BTAF1: variants seen among roughly 807,000 people sequenced by gnomAD.
The protein encoded by BTAF1 is B-TFIID TATA-box binding protein associated factor 1, also known as TATA-binding protein-associated factor 172.
BTAF1 carries 38 observed loss-of-function variants against 227.1 expected under a neutral mutation model. The ratio of observed to expected loss-of-function variants is 0.17; its 90% CI spans 0.13 to 0.22. The LOEUF is 0.22. BTAF1 is among the 10% of genes least tolerant of loss of function. The pLI is 1.00. For synonymous variants in BTAF1, 742 were observed against 751.9 expected, an observed-to-expected ratio of 0.99 and a Z score of 0.21; for missense variants, 1,598 against 2,204.0, an observed-to-expected ratio of 0.73 and a Z score of 5.51.
Position 92,026,550 on chromosome 10 carries a change from A to T in BTAF1, c.5076-42A>T, listed in dbSNP as rs1342107803. On this transcript the variant is annotated intron_variant, in intron 35 of 37. Transcript: ENST00000265990. ...TTTTATTAACAGTTTCTGTTATAGG[A>T]CTTAAGAATGGACTAATTTTATTTT... 5 of 1,499,054 alleles carry T rather than the reference A, an allele frequency of 3.3e-6. No homozygotes were observed. In the East Asian group the frequency reaches 6.9e-5, roughly 21 times the overall value. 92.9% of individuals were successfully genotyped at this position (1,499,054 alleles called of 1,614,324 possible).
chr10:91,926,331 G>A (rs914513840), intron 1 of BTAF1, among the ~76,000 whole-genome samples: 8 of 152,068 alleles, frequency 5.3e-5, no homozygotes, highest in African/African-American at 1.9e-4. Context: ...ATATTTTTAG[G>A]ACATTTCCAC....
intron 19 of BTAF1, among the ~76,000 whole-genome samples, chr10:91,988,170 A>G (rs376665082): frequency 6.6e-6 from 1 of 152,198 alleles, no homozygotes; most frequent in African/African-American, 2.4e-5. Flanking sequence ...TACCTCAGTT[A>G]TATGTTACAT....
intron 19 of BTAF1, among the ~76,000 whole-genome samples, chr10:91,987,812 C>T (rs1053544516): frequency 6.6e-6 from 1 of 152,180 alleles, no homozygotes; most frequent in Non-Finnish European, 1.5e-5. Context: ...TAGCTTTCTT[C>T]TTGCGCAAGT....
In BTAF1 at chr10:91,980,450, T is replaced by C. The variant is rs747236018; in HGVS notation, c.1651-4T>C. The C allele has an allele frequency of 6.2e-7, 1 of 1,605,052 alleles. No individual in the cohort carries two copies. The highest frequency in any genetic ancestry group is 8.5e-7 in the Non-Finnish European group (1 of 1,172,650). On this transcript the variant is annotated splice_polypyrimidine_tract_variant and splice_region_variant and intron_variant, in intron 14 of 37. Transcript: ENST00000265990. ...ACAGCTTTTAATTCTGTTTTTGTTT[T>C]CAGAACTCTTCATCTTGGCTTATAC...
At chr10:92,028,379 T>C (rs1158397498) in intron 37 of BTAF1, among the ~76,000 whole-genome samples, 1 of 152,174 alleles carries the variant, frequency 6.6e-6, no homozygotes, top group Non-Finnish European at 1.5e-5. Context: ...CTGATCTTTA[T>C]ATGGTTATGT....
intron 21 of BTAF1, among the ~76,000 whole-genome samples, chr10:91,992,738 C>G (rs1848883497): frequency 6.6e-6 from 1 of 152,172 alleles, no homozygotes; most frequent in Non-Finnish European, 1.5e-5. Context: ...CCAGTTATCC[C>G]ACTATTGAAT....
intron 4 of BTAF1, among the ~76,000 whole-genome samples, chr10:91,947,104 A>G (rs968645701): frequency 3.9e-5 from 6 of 152,134 alleles, no homozygotes; most frequent in Non-Finnish European, 1.5e-5. Context: ...TGGCTTCCCA[A>G]AGTGCTGGGA....
chr10:91,972,241 TC>T (rs948254349), intron 14 of BTAF1, among the ~76,000 whole-genome samples: 16 of 152,200 alleles, frequency 1.1e-4, no homozygotes, highest in Non-Finnish European at 2.2e-4. Flanking sequence ...GTCAACATTT[TC>T]CCCTAATATT....
At chr10:91,967,458 GT>G (rs777780576) in intron 14 of BTAF1, among the ~76,000 whole-genome samples, 6 of 152,166 alleles carry the variant, frequency 3.9e-5, no homozygotes, top group Non-Finnish European at 8.8e-5. Flanking sequence ...AGGTACTACA[GT>G]TTGGGCCAAT....
Position 91,993,708 on chromosome 10 carries a change from C to T in BTAF1, c.3060C>T (p.Tyr1020=). 1 of 1,540,388 alleles carries T rather than the reference C, an allele frequency of 6.5e-7. No individual in the cohort carries two copies. The highest frequency in any genetic ancestry group is 8.8e-7 in the Non-Finnish European group (1 of 1,136,348). ...LVELDEAQKP[Y]LVQRRGAEFA... is the part of the protein sequence containing the mutation. ...TTAATTTTAAGGCCCAGAAGCCTTACCTGGTACAACGGAGAGGAGCTGAAT... is the reference window on the plus strand; with the variant it reads ...TTAATTTTAAGGCCCAGAAGCCTTATCTGGTACAACGGAGAGGAGCTGAAT... Residue 1020 remains tyrosine, a synonymous_variant, in exon 22 of 38, where the codon TAC becomes TAT. Coordinates refer to ENST00000265990, the MANE Select transcript of BTAF1 (RefSeq NM_003972.3).
At chr10:91,947,373 T>G (rs955707203) in intron 4 of BTAF1, among the ~76,000 whole-genome samples, 17 of 147,568 alleles carry the variant, frequency 1.2e-4, no homozygotes, top group East Asian at 1.9e-4. Flanking sequence ...CGATTTTGAG[T>G]TTTTTTTGTA....
At chr10:91,993,660 G>C (rs1299824481) in intron 21 of BTAF1, 34 bp from the exon 22 acceptor site, 1 of 1,382,304 alleles carries the variant, frequency 7.2e-7, no homozygotes, top group Non-Finnish European at 9.5e-7. Context: ...GATTTTTTCT[G>C]AAATTCTGTT....
At chr10:92,002,014 A>G (rs1451936767) in intron 25 of BTAF1, among the ~76,000 whole-genome samples, 1 of 75,234 alleles carries the variant, frequency 1.3e-5, no homozygotes, top group African/African-American at 3.1e-5. Flanking sequence ...ACACACACAC[A>G]CTCCATATAT....
intron 13 of BTAF1, among the ~76,000 whole-genome samples, chr10:91,966,342 G>A (rs1279024209): frequency 1.3e-5 from 2 of 152,160 alleles, no homozygotes; most frequent in Non-Finnish European, 2.9e-5. Flanking sequence ...ACATTGGAAA[G>A]TCCTAACTTG....
chr10:91,974,360 C>T (rs980612029), intron 14 of BTAF1, among the ~76,000 whole-genome samples: 7 of 152,138 alleles, frequency 4.6e-5, no homozygotes, highest in African/African-American at 1.7e-4. Flanking sequence ...TGCTGGCATG[C>T]ACATCTCTAA....
intron 14 of BTAF1, among the ~76,000 whole-genome samples, chr10:91,973,293 G>T (rs928089570): frequency 6.6e-6 from 1 of 152,150 alleles, no homozygotes; most frequent in African/African-American, 2.4e-5. Flanking sequence ...TGTCAGATTT[G>T]TCTAACCCTC....
intron 35 of BTAF1, among the ~76,000 whole-genome samples, chr10:92,025,433 C>CT (rs372492834): frequency 0.032 from 4,805 of 150,090 alleles, 103 homozygotes; most frequent in Middle Eastern, 0.055. Context: ...TCAGTGGTTG[C>CT]TTTTTTTTTT....
intron 11 of BTAF1, among the ~76,000 whole-genome samples, chr10:91,960,591 T>TG (rs1317333456): frequency 6.6e-5 from 10 of 151,720 alleles, no homozygotes; most frequent in African/African-American, 1.9e-4. Context: ...GTCAGTGTTT[T>TG]TTTTTTTTTT....
At chr10:91,997,188 G>A in intron 24 of BTAF1, 2 of 1,266,912 alleles carry the variant, frequency 1.6e-6, no homozygotes, top group Non-Finnish European at 2.1e-6. Context: ...ACTATATCCT[G>A]CTGGTGATTG....
Sources: allele counts gnomAD v4.1 joint callset (sites outside exome capture counted in the v4.1 genomes callset), GRCh38; gene constraint gnomAD v4.1.1; transcripts MANE v1.5; gene names NCBI Gene and HGNC (gene_info 2026-07-23, HGNC 2026-07-21).